Variants in FSTL5 observed in about 807,000 individuals in gnomAD.
The protein encoded by FSTL5 is follistatin-related protein 5.
FSTL5 carries 62 observed loss-of-function variants against 89.1 expected under a neutral mutation model. That is an observed-to-expected ratio of 0.70 (90% CI 0.57 to 0.86). FSTL5 has a LOEUF of 0.86. Among genes scored for constraint, FSTL5 ranks in the 40% least tolerant of loss-of-function variants. FSTL5 has a pLI of 0.00. For synonymous variants in FSTL5, 383 were observed against 346.2 expected, an observed-to-expected ratio of 1.11 and a Z score of -1.18; for missense variants, 1,057 against 1,001.6, an observed-to-expected ratio of 1.06 and a Z score of -0.75.
chr4:161,638,800 A>G (rs374696904), intron 7 of FSTL5, among the ~76,000 whole-genome samples: 2 of 133,418 alleles, frequency 1.5e-5, no homozygotes, highest in Non-Finnish European at 3.2e-5. Flanking sequence ...CTTATCCACC[A>G]TGATCAAGTG....
At chr4:161,692,916 GT>G (rs1400657807) in intron 6 of FSTL5, among the ~76,000 whole-genome samples, 1 of 152,036 alleles carries the variant, frequency 6.6e-6, no homozygotes, top group East Asian at 1.9e-4. Flanking sequence ...TAGAGAAGGA[GT>G]TTCACCATGC....
At chr4:162,100,016 T>C (rs1264852877) in intron 2 of FSTL5, among the ~76,000 whole-genome samples, 24 of 152,174 alleles carry the variant, frequency 1.6e-4, no homozygotes, top group Non-Finnish European at 1.2e-4. Context: ...TGGCAGTTTC[T>C]TACAAAACTA....
intron 2 of FSTL5, chr4:162,047,658 C>T (rs945231276): frequency 6.6e-6 from 1 of 152,046 alleles, no homozygotes; most frequent in South Asian, 2.1e-4. Flanking sequence ...GGTGAAGCCC[C>T]ATCTCTACTA....
intron 8 of FSTL5, among the ~76,000 whole-genome samples, chr4:161,561,826 G>A (rs1169365328): frequency 2.6e-5 from 4 of 151,888 alleles, no homozygotes; most frequent in African/African-American, 9.7e-5. Context: ...AAGTTTGGAG[G>A]GCAGAAGAAA....
chr4:161,655,052 T>C (rs933049344), intron 7 of FSTL5, among the ~76,000 whole-genome samples: 4 of 152,124 alleles, frequency 2.6e-5, no homozygotes, highest in Non-Finnish European at 4.4e-5. Flanking sequence ...GCTAGGAAAA[T>C]ATTTTTTTGC....
chr4:162,163,458 ATAATAATAATAG>A (rs998892356), intron 1 of FSTL5, among the ~76,000 whole-genome samples, 145 bp downstream of exon 1: 2 of 120,196 alleles, frequency 1.7e-5, no homozygotes, highest in Admixed American at 8.0e-5. Flanking sequence ...AATAATAATA[ATAATAATAATAG>A]TAATTATTAA....
intron 4 of FSTL5, among the ~76,000 whole-genome samples, chr4:161,887,299 T>C: frequency 6.6e-6 from 1 of 152,128 alleles, no homozygotes; most frequent in East Asian, 1.9e-4. Context: ...TAAGTTTGTT[T>C]CATCATAATT....
chr4:161,891,517 T>A (rs1732989166), intron 4 of FSTL5, among the ~76,000 whole-genome samples: 1 of 152,156 alleles, frequency 6.6e-6, no homozygotes, highest in South Asian at 2.1e-4. Context: ...CTAATTTAAA[T>A]AAAATCACGT....
chr4:161,711,629 A>C (rs1738784067), intron 6 of FSTL5, among the ~76,000 whole-genome samples: 1 of 152,118 alleles, frequency 6.6e-6, no homozygotes, highest in Non-Finnish European at 1.5e-5. Context: ...TCATTCTATA[A>C]AGTCAATATT....
chr4:161,430,450 C>T (rs1005823719), intron 15 of FSTL5, among the ~76,000 whole-genome samples: 2 of 152,136 alleles, frequency 1.3e-5, no homozygotes, highest in Admixed American at 1.3e-4. Flanking sequence ...ATTTAATAAT[C>T]CAACTCCTGG....
intron 4 of FSTL5, among the ~76,000 whole-genome samples, chr4:161,872,938 A>T (rs1396247969): frequency 1.3e-5 from 2 of 152,200 alleles, no homozygotes; most frequent in Non-Finnish European, 2.9e-5. Context: ...TGAGAGGGGA[A>T]AAAAGGACTC....
chr4:161,605,235 G>T (rs1734395349), intron 7 of FSTL5, among the ~76,000 whole-genome samples: 1 of 152,130 alleles, frequency 6.6e-6, no homozygotes, highest in East Asian at 1.9e-4. Flanking sequence ...TTATTCACAT[G>T]ACTGTATTGT....
At chr4:161,392,637 G>A (rs1206654069) in intron 15 of FSTL5, among the ~76,000 whole-genome samples, 1 of 152,098 alleles carries the variant, frequency 6.6e-6, no homozygotes, top group African/African-American at 2.4e-5. Flanking sequence ...TATGTCTTAA[G>A]GTGGCATTTT....
At chr4:161,443,591 A>G (rs991360742) in intron 15 of FSTL5, among the ~76,000 whole-genome samples, 3 of 151,980 alleles carry the variant, frequency 2.0e-5, no homozygotes, top group Non-Finnish European at 4.4e-5. Context: ...AAAAGTTGGT[A>G]TTTAATGCAA....
chr4:162,118,581 T>A (rs1283522465), intron 1 of FSTL5, among the ~76,000 whole-genome samples: 2 of 152,212 alleles, frequency 1.3e-5, no homozygotes, highest in East Asian at 3.8e-4. Flanking sequence ...GGATTCCCTC[T>A]TTCAGAGAAG....
At chr4:162,060,179 T>C (rs1378773964) in intron 2 of FSTL5, among the ~76,000 whole-genome samples, 1 of 152,132 alleles carries the variant, frequency 6.6e-6, no homozygotes, top group Non-Finnish European at 1.5e-5. Context: ...ATTTCTCTTA[T>C]GTCTATACTT....
intron 6 of FSTL5, among the ~76,000 whole-genome samples, chr4:161,716,076 G>A (rs1738969935): frequency 6.6e-6 from 1 of 152,060 alleles, no homozygotes. Context: ...CCACCTCTCT[G>A]ACAAAATTCC....
chr4:161,516,216 C>T (rs1366971310), intron 10 of FSTL5, among the ~76,000 whole-genome samples: 1 of 148,764 alleles, frequency 6.7e-6, no homozygotes, highest in Non-Finnish European at 1.5e-5. Flanking sequence ...GTCCTCAGCT[C>T]CTTATTTCTA....
At chr4:161,873,407 C>T (rs868251495) in intron 4 of FSTL5, among the ~76,000 whole-genome samples, 23 of 151,764 alleles carry the variant, frequency 1.5e-4, no homozygotes, top group South Asian at 6.3e-4. Context: ...CATACAAGAG[C>T]GACATATAAA....
Sources: allele counts gnomAD v4.1 joint callset (sites outside exome capture counted in the v4.1 genomes callset), GRCh38; gene constraint gnomAD v4.1.1; transcripts MANE v1.5; gene names NCBI Gene and HGNC (gene_info 2026-07-23, HGNC 2026-07-21).